The following RYR3 variants were observed in gnomAD, a reference collection of about 807,000 sequenced individuals.
The protein encoded by RYR3 is ryanodine receptor 3.
RYR3 carries 207 observed loss-of-function variants against 584.3 expected under a neutral mutation model. The observed-to-expected ratio is 0.35, with a 90% CI of 0.32 to 0.40. The LOEUF (loss-of-function observed/expected upper bound fraction) is 0.40, where lower values mean the gene tolerates loss of function less well. RYR3 is among the 10% of genes least tolerant of loss of function. The probability of loss-of-function intolerance (pLI) is 1.00; values close to 1 mark genes in which losing one functional copy is unlikely to be tolerated. For missense variants in RYR3, 5,616 were observed against 6,089.2 expected, an observed-to-expected ratio of 0.92 and a Z score of 2.59; for synonymous variants, 2,416 against 2,248.5, an observed-to-expected ratio of 1.07 and a Z score of -2.11.
At chr15:33,742,529 G>T (rs2070253371) in intron 52 of RYR3, 85 bp downstream of exon 52, 1 of 886,496 alleles carries the variant, frequency 1.1e-6, no homozygotes, top group East Asian at 2.5e-5. Flanking sequence ...AAATCTGCCT[G>T]ATTTGTCTAA....
chr15:33,344,841 T>C (rs1415275275), intron 1 of RYR3, among the ~76,000 whole-genome samples: 1 of 152,218 alleles, frequency 6.6e-6, no homozygotes, highest in African/African-American at 2.4e-5. Flanking sequence ...GAAAAGATTA[T>C]ATTTAATAAG....
chr15:33,439,606 T>C (rs2046045648), intron 1 of RYR3, among the ~76,000 whole-genome samples: 1 of 152,224 alleles, frequency 6.6e-6, no homozygotes, highest in African/African-American at 2.4e-5. Flanking sequence ...CTATTTCTAA[T>C]CTTTATTCAA....
At chr15:33,760,386 T>C (rs1254334986) in intron 60 of RYR3, among the ~76,000 whole-genome samples, 4 of 151,504 alleles carry the variant, frequency 2.6e-5, no homozygotes, top group Non-Finnish European at 5.9e-5. Context: ...ACACATAGGC[T>C]CAAAATAAAG....
intron 81 of RYR3, among the ~76,000 whole-genome samples, chr15:33,824,788 T>C (rs1007002006): frequency 1.3e-5 from 2 of 152,344 alleles, no homozygotes; most frequent in Non-Finnish European, 2.9e-5. Flanking sequence ...CCATAAACTT[T>C]CCTAAGAGCT....
chr15:33,344,087 T>C (rs972080586), intron 1 of RYR3, among the ~76,000 whole-genome samples: 5 of 152,236 alleles, frequency 3.3e-5, no homozygotes, highest in Non-Finnish European at 5.9e-5. Context: ...ATTGTTGTTG[T>C]TGCTTTTTAC....
rs1567468541 is a variant in RYR3 at position 33,533,335 on chromosome 15, A to G, written c.379A>G (p.Arg127Gly). 6.2e-7 allele frequency: 1 copy of G among 1,607,776 alleles called. No homozygotes were observed. The highest frequency in any genetic ancestry group is 8.5e-7 in the Non-Finnish European group (1 of 1,176,986). The change falls in exon 5 of 104, where the codon AGA (arginine) becomes GGA (glycine). Residue 127 changes from arginine (R) to glycine (G), a missense_variant. By Grantham distance (125) the Arg-to-Gly change is moderately radical (BLOSUM62 -2). Coordinates refer to ENST00000634891, the MANE Select transcript of RYR3 (RefSeq NM_001036.6). Reference protein sequence around the residue: ...GMYLTCLTTSRSQTDKLAFDV... With the variant: ...GMYLTCLTTSGSQTDKLAFDV... ...GTATCTAACATGCTTGACTACATCAAGATCCCAGACAGACAAACTTGCCTT... is the reference window on the plus strand; with the variant it reads ...GTATCTAACATGCTTGACTACATCAGGATCCCAGACAGACAAACTTGCCTT...
intron 1 of RYR3, among the ~76,000 whole-genome samples, chr15:33,446,432 C>G (rs1468212754): frequency 6.6e-6 from 1 of 152,196 alleles, no homozygotes; most frequent in Non-Finnish European, 1.5e-5. Context: ...TAACAGAAAT[C>G]TATTTTCCCA....
chr15:33,851,553 A>G (rs1265456537), intron 94 of RYR3: 1 of 152,208 alleles, frequency 6.6e-6, no homozygotes, highest in Non-Finnish European at 1.5e-5. Context: ...ACTCGTAACA[A>G]GTAAAAAATC....
chr15:33,802,297 C>T (rs368948881), intron 69 of RYR3, among the ~76,000 whole-genome samples: 19 of 152,330 alleles, frequency 1.2e-4, no homozygotes, highest in African/African-American at 4.1e-4. Flanking sequence ...CAGCAATACA[C>T]ATGCCTAGAA....
chr15:33,802,138 G>C, intron 69 of RYR3, 177 bp downstream of exon 69: 1 of 750,142 alleles, frequency 1.3e-6, no homozygotes, highest in Non-Finnish European at 2.5e-6. Flanking sequence ...TCTCAAATAA[G>C]CATGGTCATC....
At position 33,791,377 on chromosome 15, in the gene RYR3, CA is replaced by C. The variant is rs2075145917; in HGVS notation, c.9830+2920del. On this transcript the variant is annotated intron_variant, in intron 67 of 103. Coordinates refer to ENST00000634891, the MANE Select transcript of RYR3 (RefSeq NM_001036.6). ...ACTGTGTGTGACACACACACACACA[CA>C]CACACCCCTACATTCGGAGAGAGAG... Among the ~76,000 whole-genome samples, 6 of 152,242 alleles carry C rather than the reference CA, an allele frequency of 3.9e-5. No individual in the cohort carries two copies. The South Asian group carries it at 6.2e-4, about 16-fold the overall frequency.
chr15:33,336,428 AAGAAAGAAAGAAAG>A (rs1970980515), intron 1 of RYR3, among the ~76,000 whole-genome samples: 1 of 20,508 alleles, frequency 4.9e-5, no homozygotes, highest in South Asian at 1.9e-3. Flanking sequence ...GAAAGAAAGA[AAGAAAGAAAGAAAG>A]AGAGAGAGAG....
intron 23 of RYR3, among the ~76,000 whole-genome samples, chr15:33,631,795 G>A (rs1029779905): frequency 6.6e-6 from 1 of 152,178 alleles, no homozygotes; most frequent in Non-Finnish European, 1.5e-5. Context: ...CTTGCTCAGC[G>A]GCACATCCAC....
intron 102 of RYR3, among the ~76,000 whole-genome samples, chr15:33,862,355 C>T (rs2153021446): frequency 7.1e-6 from 1 of 140,718 alleles, no homozygotes; most frequent in East Asian, 2.2e-4. Context: ...ACAGGTGTAC[C>T]ACTAATTTAG....
chr15:33,749,697 G>A (rs1457666685), intron 55 of RYR3, among the ~76,000 whole-genome samples: 2 of 152,180 alleles, frequency 1.3e-5, no homozygotes, highest in Admixed American at 6.5e-5. Flanking sequence ...CAGCATGCGG[G>A]TTCAAGTGGA....
At position 33,756,331 on chromosome 15, in the gene RYR3, T is replaced by G. The variant is rs2071821212; in HGVS notation, c.8541T>G (p.Thr2847=). The part of the protein sequence containing the change: ...HLEAIVSSGK[T]EKSPRDQEIK... ...AAGCCATTGTCAGCAGTGGGAAAAC[T>G]GAAAAGTCTCCCCGTGACCAGGAGA... The change falls in exon 59 of 104, where the codon ACT becomes ACG. Residue 2847 remains threonine (T), a synonymous_variant. Transcript: ENST00000634891. 1 of 1,581,740 alleles carries G rather than the reference T, an allele frequency of 6.3e-7. No homozygotes were observed. The highest frequency in any genetic ancestry group is 1.2e-5 in the South Asian group (1 of 86,012).
At chr15:33,850,767 T>G (rs1034366938) in intron 94 of RYR3, 6 of 152,196 alleles carry the variant, frequency 3.9e-5, no homozygotes, top group African/African-American at 1.4e-4. Context: ...AGAACATTAC[T>G]GAGAGCTTAA....
At chr15:33,591,056 A>G (rs2059106883) in intron 16 of RYR3, among the ~76,000 whole-genome samples, 1 of 152,086 alleles carries the variant, frequency 6.6e-6, no homozygotes, top group South Asian at 2.1e-4. Flanking sequence ...CCCACTCCAT[A>G]TTTTCTGAAT....
intron 38 of RYR3, among the ~76,000 whole-genome samples, chr15:33,676,580 C>A (rs2064192409): frequency 6.6e-6 from 1 of 152,178 alleles, no homozygotes; most frequent in African/African-American, 2.4e-5. Flanking sequence ...AATGGACATG[C>A]AGATGGGGTC....
Sources: gnomAD v4.1 joint callset for allele counts (sites outside exome capture counted in the v4.1 genomes callset) on GRCh38, gnomAD v4.1.1 for gene constraint, MANE v1.5 for transcripts, NCBI Gene and HGNC (gene_info 2026-07-23, HGNC 2026-07-21) for gene names.